DOCK3: variants seen among roughly 807,000 people sequenced by gnomAD.
DOCK3 encodes dedicator of cytokinesis 3, also known as dedicator of cytokinesis protein 3.
DOCK3 carries 60 observed loss-of-function variants against 265.6 expected under a neutral mutation model. The ratio of observed to expected loss-of-function variants is 0.23; its 90% CI spans 0.18 to 0.28. The LOEUF is 0.28. DOCK3 is among the 10% of genes least tolerant of loss of function. The probability of loss-of-function intolerance (pLI) is 1.00; values close to 1 mark genes in which losing one functional copy is unlikely to be tolerated. For missense variants in DOCK3, 1,981 were observed against 2,594.3 expected (o/e 0.76, Z 5.14); for synonymous variants, 881 against 938.0 (o/e 0.94, Z 1.11).
intron 5 of DOCK3, among the ~76,000 whole-genome samples, chr3:51,063,902 C>T (rs536574573): frequency 6.6e-6 from 1 of 152,292 alleles, no homozygotes; most frequent in Non-Finnish European, 1.5e-5. Flanking sequence ...GGGAAGGACA[C>T]ACCGTTTAGA....
intron 48 of DOCK3, 45 bp from the exon 49 acceptor site, chr3:51,362,482 C>G (rs757678279): frequency 8.7e-6 from 14 of 1,612,640 alleles, no homozygotes; most frequent in Non-Finnish European, 1.2e-5. Flanking sequence ...CCCTAAAGTC[C>G]TGGCCATTCA....
intron 3 of DOCK3, among the ~76,000 whole-genome samples, chr3:50,872,172 G>T (rs1274105972): frequency 6.6e-6 from 1 of 152,204 alleles, no homozygotes; most frequent in East Asian, 1.9e-4. Context: ...TGTTGAGCTT[G>T]TTTGTCTTTC....
At chr3:51,176,739 G>T (rs899425576) in intron 12 of DOCK3, among the ~76,000 whole-genome samples, 3 of 152,152 alleles carry the variant, frequency 2.0e-5, no homozygotes, top group Non-Finnish European at 4.4e-5. Flanking sequence ...ACTTAATAAG[G>T]CAATCTAAGA....
chr3:50,834,396 GTTATAA>G (rs2045379668), intron 2 of DOCK3, among the ~76,000 whole-genome samples: 2 of 152,052 alleles, frequency 1.3e-5, no homozygotes, highest in Non-Finnish European at 2.9e-5. Context: ...TACATAACAA[GTTATAA>G]TTATTAATAA....
chr3:51,045,045 C>A (rs1196784822), intron 5 of DOCK3, among the ~76,000 whole-genome samples: 2 of 152,226 alleles, frequency 1.3e-5, no homozygotes, highest in East Asian at 1.9e-4. Flanking sequence ...TTTCCCCCAA[C>A]AAACTTTTCC....
chr3:51,333,095 C>G, intron 34 of DOCK3, 63 bp from the exon 35 acceptor site: 1 of 1,613,634 alleles, frequency 6.2e-7, no homozygotes, highest in Admixed American at 1.7e-5. Context: ...TCTTGGACTT[C>G]ACTCTTGTGC....
intron 24 of DOCK3, among the ~76,000 whole-genome samples, chr3:51,273,044 C>T (rs2080597465): frequency 1.3e-5 from 2 of 151,698 alleles, no homozygotes; most frequent in South Asian, 4.2e-4. Context: ...CGCCTGTAGT[C>T]CCAGCTACTC....
intron 2 of DOCK3, among the ~76,000 whole-genome samples, chr3:50,780,999 T>C (rs1360010017): frequency 6.6e-6 from 1 of 152,124 alleles, no homozygotes; most frequent in Non-Finnish European, 1.5e-5. Context: ...GTATTTTTTA[T>C]GGCAGAATAG....
At chr3:51,343,126 G>GA (rs1391390123) in intron 38 of DOCK3, among the ~76,000 whole-genome samples, 181 of 150,838 alleles carry the variant, frequency 1.2e-3, no homozygotes, top group South Asian at 7.8e-3. Context: ...GATGCTATGG[G>GA]AAAAAAAAAT....
At chr3:51,045,471 C>T (rs1044846000) in intron 5 of DOCK3, among the ~76,000 whole-genome samples, 1 of 152,060 alleles carries the variant, frequency 6.6e-6, no homozygotes, top group Admixed American at 6.6e-5. Context: ...TGAAATATTG[C>T]AAGAATTACC....
chr3:51,356,746 G>C (rs1275286100), intron 43 of DOCK3, among the ~76,000 whole-genome samples: 1 of 152,130 alleles, frequency 6.6e-6, no homozygotes, highest in African/African-American at 2.4e-5. Flanking sequence ...CAAGAAACCA[G>C]AGTGCTCTGA....
At chr3:51,176,798 GA>G (rs570252304) in intron 12 of DOCK3, among the ~76,000 whole-genome samples, 3 of 152,132 alleles carry the variant, frequency 2.0e-5, no homozygotes, top group South Asian at 4.2e-4. Context: ...AGAAAGAGAT[GA>G]AAAAAATAAA....
intron 9 of DOCK3, among the ~76,000 whole-genome samples, chr3:51,100,046 G>GCTAA (rs2083023466): frequency 3.2e-5 from 1 of 31,410 alleles, no homozygotes; most frequent in Non-Finnish European, 5.5e-5. Flanking sequence ...AAAAAAACTA[G>GCTAA]ATAAAGAAAG....
chr3:51,074,613 A>G (rs1251767447), intron 6 of DOCK3, among the ~76,000 whole-genome samples: 1 of 152,158 alleles, frequency 6.6e-6, no homozygotes, highest in Non-Finnish European at 1.5e-5. Context: ...ACTCAGCCAA[A>G]TTATACATCT....
intron 14 of DOCK3, among the ~76,000 whole-genome samples, chr3:51,214,489 T>C (rs1240598824): frequency 1.3e-5 from 2 of 152,194 alleles, no homozygotes; most frequent in Non-Finnish European, 2.9e-5. Context: ...ATCCAGCAGA[T>C]AGGCTTTGTT....
intron 2 of DOCK3, among the ~76,000 whole-genome samples, chr3:50,827,168 T>C (rs750877729): frequency 7.9e-5 from 12 of 152,182 alleles, no homozygotes; most frequent in Admixed American, 1.3e-4. Flanking sequence ...ATTTTAACCA[T>C]GGAGACTAGA....
Position 50,828,608 on chromosome 3 carries a change from T to C in DOCK3, c.122-13067T>C, listed in dbSNP as rs2044924022. Among the ~76,000 whole-genome samples the C allele has an allele frequency of 2.6e-5, 4 of 152,042 alleles. No individual in the cohort carries two copies. The South Asian group carries it at 8.3e-4, about 32-fold the overall frequency. ...TTAGTAGAGATGGGGTTTCACCACG[T>C]TGTCCAGGCTGGTCTCAAACTCCTG... On this transcript the variant is annotated intron_variant, in intron 2 of 52. Coordinates refer to ENST00000266037, the MANE Select transcript of DOCK3 (RefSeq NM_004947.5).
intron 41 of DOCK3, 34 bp downstream of exon 41, chr3:51,355,057 AGGGGCCCT>A (rs769338174): frequency 4.4e-6 from 7 of 1,604,292 alleles, no homozygotes; most frequent in Non-Finnish European, 6.0e-6. Flanking sequence ...GGAGGAGGGC[AGGGGCCCT>A]GGGAGGTGAG....
chr3:50,752,003 G>A (rs2039846067), intron 1 of DOCK3, among the ~76,000 whole-genome samples: 1 of 151,982 alleles, frequency 6.6e-6, no homozygotes, highest in African/African-American at 2.4e-5. Context: ...AGACATGTGG[G>A]GATTATGGGG....
Sources: gnomAD v4.1 joint callset for allele counts (sites outside exome capture counted in the v4.1 genomes callset) on GRCh38, gnomAD v4.1.1 for gene constraint, MANE v1.5 for transcripts, NCBI Gene and HGNC (gene_info 2026-07-23, HGNC 2026-07-21) for gene names.